NACC2: variants seen among roughly 807,000 people sequenced by gnomAD.
The protein encoded by NACC2 is NACC family member 2.
NACC2 carries 8 observed loss-of-function variants against 25.1 expected under a neutral mutation model. The observed-to-expected ratio is 0.32, with a 90% CI of 0.19 to 0.57. The LOEUF is 0.57. Among genes scored for constraint, NACC2 ranks in the 20% least tolerant of loss-of-function variants. The pLI is 0.89. For synonymous variants in NACC2, 435 were observed against 294.7 expected, an observed-to-expected ratio of 1.48 and a Z score of -4.88; for missense variants, 644 against 650.2, an observed-to-expected ratio of 0.99 and a Z score of 0.10.
At chr9:136,012,538 C>T (rs1446647284) in intron 5 of NACC2, among the ~76,000 whole-genome samples, 2 of 152,234 alleles carry the variant, frequency 1.3e-5, no homozygotes, top group African/African-American at 2.4e-5. Flanking sequence ...GCCACGTCCA[C>T]CTCGGTCCCT....
At chr9:136,021,162 A>G (rs1030515253) in intron 2 of NACC2, among the ~76,000 whole-genome samples, 2 of 152,352 alleles carry the variant, frequency 1.3e-5, no homozygotes, top group South Asian at 4.1e-4. Flanking sequence ...TAAAAAATAT[A>G]AAGAAATCTC....
chr9:136,063,127 G>A lies in NACC2; in HGVS notation c.-59-12547C>T, dbSNP rs149446745. Among the ~76,000 whole-genome samples the A allele has an allele frequency of 5.1e-3, 782 of 152,300 alleles. 15 individuals are homozygous for A. Among genetic ancestry groups the A allele is most frequent in the Admixed American group, 0.033 (504 of 15,294 alleles). ...TGTTTCTGTGTCTGGTTGTGGGCCA[G>A]GTCTGTCGATCTGTCTCTCTCCTGT... is the stretch of plus-strand genomic sequence containing the variant. On this transcript the variant is annotated intron_variant, in intron 1 of 5. Transcript: ENST00000277554.
At position 136,084,151 on chromosome 9, in the gene NACC2, C is replaced by A. The variant is rs1264837962; in HGVS notation, c.-60+11038G>T. On this transcript the variant is annotated intron_variant, in intron 1 of 5. Transcript: ENST00000277554. The surrounding 1 kb of genome is among the most constrained non-coding windows in gnomAD (Gnocchi z 5.1). ...GGACATGGATCCAGCCAGGAGGGGA[C>A]CCGTCTTTCCAGGAGCAGTGGGTTC... is the stretch of plus-strand genomic sequence containing the variant. 6.6e-6 allele frequency among the ~76,000 whole-genome samples: 1 copy of A among 152,096 alleles called. No individual in the cohort carries two copies. Among genetic ancestry groups the A allele is most frequent in the Non-Finnish European group, 1.5e-5 (1 of 68,016 alleles).
At position 136,085,962 on chromosome 9, in the gene NACC2, G is replaced by A. The variant is rs190782625; in HGVS notation, c.-60+9227C>T. Among the ~76,000 whole-genome samples, 201 of 151,374 alleles carry A rather than the reference G, an allele frequency of 1.3e-3. 1 individual carries two copies. Among genetic ancestry groups the A allele is most frequent in the Admixed American group, 2.8e-3 (42 of 15,238 alleles). On this transcript the variant is annotated intron_variant, in intron 1 of 5. Transcript: ENST00000277554. Reference sequence around the variant, plus strand: ...CCGGAGGCTGGGCACTGCACAGAACGGCTCTGATGGGAGGGGTTGGCAGAG... The same window carrying A: ...CCGGAGGCTGGGCACTGCACAGAACAGCTCTGATGGGAGGGGTTGGCAGAG...
intron 1 of NACC2, among the ~76,000 whole-genome samples, chr9:136,067,235 C>T (rs1013032963): frequency 8.2e-5 from 11 of 134,344 alleles, no homozygotes; most frequent in Admixed American, 1.7e-4. Context: ...CAGCCAAGAG[C>T]TAGCCTAAGC....
At chr9:136,036,466 A>G (rs990708293) in intron 2 of NACC2, among the ~76,000 whole-genome samples, 4 of 152,218 alleles carry the variant, frequency 2.6e-5, no homozygotes, top group African/African-American at 9.6e-5. Flanking sequence ...GATACAGGTT[A>G]TTTTATATAT....
chr9:136,042,755 GAC>G lies in NACC2; in HGVS notation c.886+6879_886+6880del, dbSNP rs533292055. On this transcript the variant is annotated intron_variant, in intron 2 of 5. Transcript: ENST00000277554. ...AGACACACACAGACACAGAGACAGA[GAC>G]ACACACACAGAGACACACAGACACA... is the stretch of plus-strand genomic sequence containing the variant. Among the ~76,000 whole-genome samples the G allele has an allele frequency of 1.9e-3, 270 of 143,038 alleles. 1 individual carries two copies. The highest frequency in any genetic ancestry group is 6.6e-3 in the African/African-American group (254 of 38,338). The allele number at this position is 143,038 out of a possible 152,430, so 93.8% of individuals were successfully genotyped here.
Position 136,018,500 on chromosome 9 carries a change from T to G in NACC2, c.887-2071A>C, listed in dbSNP as rs570251472. Among the ~76,000 whole-genome samples the G allele has an allele frequency of 1.5e-4, 23 of 152,194 alleles. No individual in the cohort carries two copies. The highest frequency in any genetic ancestry group is 5.5e-4 in the African/African-American group (23 of 41,528). On this transcript the variant is annotated intron_variant, in intron 2 of 5. Coordinates refer to ENST00000277554, the MANE Select transcript of NACC2 (RefSeq NM_144653.5). This position sits in a 1 kb window ranked among gnomAD's most constrained non-coding sequence, Gnocchi z 4.4. ...ATGCGGGGTCTGAAACCACCCACCC[T>G]GGAGTCACCCTGACACTCCCTCCCC...
intron 2 of NACC2, among the ~76,000 whole-genome samples, chr9:136,046,599 T>TG (rs1001119858): frequency 2.2e-4 from 34 of 151,916 alleles, no homozygotes; most frequent in Admixed American, 1.8e-3. Flanking sequence ...TCGCTGCGGG[T>TG]GGGGGGGCTT....
In NACC2 at chr9:136,013,694, C is replaced by T. The variant is rs773783983; in HGVS notation, c.1157+170G>A. Among the ~76,000 whole-genome samples the T allele has an allele frequency of 1.2e-4, 19 of 152,292 alleles. No homozygotes were observed. Among genetic ancestry groups the T allele is most frequent in the South Asian group, 6.2e-4 (3 of 4,830 alleles). Reference sequence around the variant, plus strand: ...GGCCACGAAAGACAGCCCCTCCCTCCCTCCCTGGGAGCCTCTCCACCGTCC... The same window carrying T: ...GGCCACGAAAGACAGCCCCTCCCTCTCTCCCTGGGAGCCTCTCCACCGTCC... On this transcript the variant is annotated intron_variant, in intron 4 of 5. Coordinates refer to ENST00000277554, the MANE Select transcript of NACC2 (RefSeq NM_144653.5). The surrounding 1 kb of genome is among the most constrained non-coding windows in gnomAD (Gnocchi z 6.6).
At chr9:136,094,380 G>A (rs1418935472) in intron 1 of NACC2, among the ~76,000 whole-genome samples, 6 of 152,196 alleles carry the variant, frequency 3.9e-5, no homozygotes, top group Non-Finnish European at 7.3e-5. Flanking sequence ...CTGGCAGAGG[G>A]GCTGGGAGGT....
intron 1 of NACC2, among the ~76,000 whole-genome samples, chr9:136,082,996 T>A (rs896619630): frequency 6.6e-6 from 1 of 151,576 alleles, no homozygotes; most frequent in Non-Finnish European, 1.5e-5. Flanking sequence ...ACGGCTGTCA[T>A]AACTTCTGCC....
chr9:136,012,851 C>T (rs530874193), intron 5 of NACC2, among the ~76,000 whole-genome samples: 2 of 152,168 alleles, frequency 1.3e-5, no homozygotes, highest in African/African-American at 2.4e-5. Flanking sequence ...CGCCCAAGAG[C>T]GGGAGGCAGA....
chr9:136,061,210 C>T (rs1841006452), intron 1 of NACC2, among the ~76,000 whole-genome samples: 1 of 152,192 alleles, frequency 6.6e-6, no homozygotes, highest in African/African-American at 2.4e-5. Flanking sequence ...GGGTCTCCCA[C>T]TGCCTGGTCG....
At chr9:136,076,985 G>T (rs4842106) in intron 1 of NACC2, among the ~76,000 whole-genome samples, 34,907 of 151,250 alleles carry the variant, frequency 0.23, 4,082 homozygotes, top group East Asian at 0.4. Flanking sequence ...CAGCCTGGGC[G>T]ACAGAGCGAG....
chr9:136,083,800 G>A (rs1830351036), intron 1 of NACC2, among the ~76,000 whole-genome samples: 1 of 152,204 alleles, frequency 6.6e-6, no homozygotes, highest in African/African-American at 2.4e-5. Context: ...CGTTCCGGCC[G>A]CCCACGACAT....
intron 2 of NACC2, among the ~76,000 whole-genome samples, chr9:136,031,006 A>G (rs1010706028): frequency 6.6e-6 from 1 of 152,154 alleles, no homozygotes; most frequent in African/African-American, 2.4e-5. Context: ...CCAGATATAC[A>G]CAACTTACCA....
intron 1 of NACC2, among the ~76,000 whole-genome samples, chr9:136,089,714 C>G (rs1830416185): frequency 6.6e-6 from 1 of 151,970 alleles, no homozygotes; most frequent in African/African-American, 2.4e-5. Context: ...TGTTCTTCTA[C>G]TTTCCCTCTT....
At chr9:136,094,456 G>T (rs1830466034) in intron 1 of NACC2, among the ~76,000 whole-genome samples, 1 of 152,236 alleles carries the variant, frequency 6.6e-6, no homozygotes, top group South Asian at 2.1e-4. Context: ...GGAAGGCCTC[G>T]GTCCGCCCTG....
Sources: gnomAD v4.1 joint callset for allele counts (sites outside exome capture counted in the v4.1 genomes callset) on GRCh38, gnomAD v4.1.1 for gene constraint, Gnocchi (gnomAD v3.1) non-coding constraint, MANE v1.5 for transcripts, NCBI Gene and HGNC (gene_info 2026-07-23, HGNC 2026-07-21) for gene names.